CLSTN2: variants seen among roughly 807,000 people sequenced by gnomAD.
The protein encoded by CLSTN2 is calsyntenin 2.
CLSTN2 carries 48 observed loss-of-function variants against 101.2 expected under a neutral mutation model. The ratio of observed to expected loss-of-function variants is 0.47; its 90% CI spans 0.38 to 0.60. The LOEUF is 0.60. Ranked by LOEUF, CLSTN2 falls within the 20% of genes least tolerant of loss-of-function variation. CLSTN2 has a pLI of 0.00. For synonymous variants in CLSTN2, 481 were observed against 463.6 expected (o/e 1.04, Z -0.48); for missense variants, 1,160 against 1,238.2 (o/e 0.94, Z 0.95).
At chr3:140,218,097 G>C (rs1319056848) in intron 2 of CLSTN2, among the ~76,000 whole-genome samples, 2 of 152,224 alleles carry the variant, frequency 1.3e-5, no homozygotes, top group Admixed American at 6.5e-5. Context: ...AAACAAAACT[G>C]AATGTTGATG....
chr3:140,359,057 A>G (rs1430072500), intron 2 of CLSTN2, among the ~76,000 whole-genome samples: 1 of 151,936 alleles, frequency 6.6e-6, no homozygotes, highest in Non-Finnish European at 1.5e-5. Flanking sequence ...CTCATCTGCC[A>G]TCACCCAGTG....
chr3:140,306,878 A>AT (rs1387537373), intron 2 of CLSTN2, among the ~76,000 whole-genome samples: 6 of 142,408 alleles, frequency 4.2e-5, no homozygotes, highest in African/African-American at 7.9e-5. Flanking sequence ...TATTATTATT[A>AT]TTATTTATTT....
At chr3:140,302,097 TA>T (rs545466693) in intron 2 of CLSTN2, among the ~76,000 whole-genome samples, 33 of 152,326 alleles carry the variant, frequency 2.2e-4, no homozygotes, top group Admixed American at 8.5e-4. Flanking sequence ...TTTAGTTGAT[TA>T]AAAAGCCACT....
intron 2 of CLSTN2, among the ~76,000 whole-genome samples, chr3:140,178,906 C>G (rs2010364549): frequency 6.6e-6 from 1 of 152,076 alleles, no homozygotes; most frequent in South Asian, 2.1e-4. Context: ...CTCATTTAGC[C>G]CAGGAGGTAG....
intron 1 of CLSTN2, among the ~76,000 whole-genome samples, chr3:139,943,815 G>T (rs1026766194): frequency 6.6e-6 from 1 of 152,158 alleles, no homozygotes; most frequent in East Asian, 1.9e-4. Context: ...AGGGGCTCAG[G>T]CATTCACAGA....
chr3:140,398,709 C>T (rs2088209447), intron 2 of CLSTN2, among the ~76,000 whole-genome samples: 1 of 152,132 alleles, frequency 6.6e-6, no homozygotes, highest in South Asian at 2.1e-4. Flanking sequence ...TGGATGAACA[C>T]GTAATCTCTC....
intron 1 of CLSTN2, among the ~76,000 whole-genome samples, chr3:140,122,855 T>G (rs946982445): frequency 1.3e-5 from 2 of 152,160 alleles, no homozygotes; most frequent in African/African-American, 2.4e-5. Context: ...TCTTTTATAA[T>G]ACTTCGTAAA....
At chr3:139,971,208 AT>A (rs1935696241) in intron 1 of CLSTN2, among the ~76,000 whole-genome samples, 1 of 152,200 alleles carries the variant, frequency 6.6e-6, no homozygotes, top group Admixed American at 6.5e-5. Flanking sequence ...TATGAGGGAT[AT>A]TGAGGAGCTT....
Position 140,203,882 on chromosome 3 carries a change from C to T in CLSTN2, c.232+27809C>T, listed in dbSNP as rs1345459560. ...AAGAAAATAACCCGCAAGATTCTGT[C>T]TAATTGGCAGATGCCAGAGGAGGAA... On this transcript the variant is annotated intron_variant, in intron 2 of 16. Coordinates refer to ENST00000458420, the MANE Select transcript of CLSTN2 (RefSeq NM_022131.3). Among the ~76,000 whole-genome samples the T allele has an allele frequency of 2.6e-5, 4 of 152,270 alleles. 1 individual carries two copies. The highest frequency in any genetic ancestry group is 2.1e-4 in the South Asian group (1 of 4,824).
rs183517188 is a variant in CLSTN2 at position 140,459,770 on chromosome 3, G to A, written c.1222+1G>A. ...ATCCTCTGCAACTCAGACAAAACCG[G>A]TGAGTCTCTAGCCCAGCCCTTCCAC... On this transcript the variant is annotated splice_donor_variant, in intron 7 of 16. Coordinates refer to ENST00000458420, the MANE Select transcript of CLSTN2 (RefSeq NM_022131.3). LOFTEE classifies it high-confidence loss of function. 1.2e-6 allele frequency: 2 copies of A among 1,610,456 alleles called. No homozygotes were observed. Among genetic ancestry groups the A allele is most frequent in the Admixed American group, 1.7e-5 (1 of 59,616 alleles).
chr3:140,562,286 T>C lies in CLSTN2; in HGVS notation c.2190T>C (p.Ser730=). The C allele has an allele frequency of 1.2e-6, 2 of 1,613,546 alleles. No individual in the cohort carries two copies. Among genetic ancestry groups the C allele is most frequent in the South Asian group, 2.2e-5 (2 of 91,036 alleles). Residue 730 remains serine, a synonymous_variant, in exon 13 of 17, where the codon TCT becomes TCC. Coordinates refer to ENST00000458420, the MANE Select transcript of CLSTN2 (RefSeq NM_022131.3). Reference sequence around the variant, plus strand: ...AACGACACCTGGATGCCACTAATTCTACTGCAGGCTACTCCATCTACGGTA... The same window carrying C: ...AACGACACCTGGATGCCACTAATTCCACTGCAGGCTACTCCATCTACGGTA... ...LHQRHLDATN[S]TAGYSIYGVG...
At chr3:140,211,441 ATTAT>A (rs1235772956) in intron 2 of CLSTN2, among the ~76,000 whole-genome samples, 2 of 96,652 alleles carry the variant, frequency 2.1e-5, no homozygotes, top group Admixed American at 1.3e-4. Context: ...ATATATATAT[ATTAT>A]TTATCAAAAA....
At chr3:140,014,696 G>T (rs1157701650) in intron 1 of CLSTN2, among the ~76,000 whole-genome samples, 3 of 152,154 alleles carry the variant, frequency 2.0e-5, no homozygotes, top group Middle Eastern at 3.2e-3. Context: ...ACTGCAGGGA[G>T]GCCCATATGG....
intron 2 of CLSTN2, among the ~76,000 whole-genome samples, chr3:140,208,088 G>A (rs2010807105): frequency 2.0e-5 from 3 of 151,934 alleles, no homozygotes; most frequent in African/African-American, 7.3e-5. Context: ...TTGGGTTTAG[G>A]ATATAAATTT....
At chr3:139,982,986 G>GTA (rs1335935790) in intron 1 of CLSTN2, among the ~76,000 whole-genome samples, 1 of 135,100 alleles carries the variant, frequency 7.4e-6, no homozygotes, top group Admixed American at 8.1e-5. Flanking sequence ...TATATATATA[G>GTA]TGTATATATA....
intron 1 of CLSTN2, among the ~76,000 whole-genome samples, chr3:140,137,037 ATATT>A (rs1240997486): frequency 1.3e-5 from 2 of 152,224 alleles, no homozygotes; most frequent in African/African-American, 4.8e-5. Flanking sequence ...GGTTGAAGCT[ATATT>A]TATTCAACAA....
In CLSTN2 at chr3:140,574,825, T is replaced by TCA. The variant is rs1985680874; in HGVS notation, c.*8573_*8574dup. ...TGCAGAGAGAATCAACCCACAGGTC[T>TCA]CAGCTGCAGACTCCAGCACCTCTGC... On this transcript the variant is annotated 3_prime_UTR_variant, in exon 17 of 17. Transcript: ENST00000458420. 6.6e-6 allele frequency: 1 copy of TCA among 152,188 alleles called. No individual in the cohort carries two copies. The highest frequency in any genetic ancestry group is 1.5e-5 in the Non-Finnish European group (1 of 68,060). 9.4% of individuals were successfully genotyped at this position (152,188 alleles called of 1,614,324 possible).
At chr3:140,439,991 G>A (rs2088741885) in intron 5 of CLSTN2, among the ~76,000 whole-genome samples, 2 of 152,226 alleles carry the variant, frequency 1.3e-5, no homozygotes, top group Non-Finnish European at 2.9e-5. Context: ...ACTTTTATGT[G>A]CCAGGCATTG....
chr3:140,041,149 A>G (rs773832155), intron 1 of CLSTN2, among the ~76,000 whole-genome samples: 2 of 152,166 alleles, frequency 1.3e-5, no homozygotes, highest in African/African-American at 4.8e-5. Flanking sequence ...ATAACTGTTC[A>G]TTTTTATCAT....
Sources: gnomAD v4.1 joint callset for allele counts (sites outside exome capture counted in the v4.1 genomes callset) on GRCh38, gnomAD v4.1.1 for gene constraint, MANE v1.5 for transcripts, NCBI Gene and HGNC (gene_info 2026-07-23, HGNC 2026-07-21) for gene names.